The following BBOX1 variants were observed in gnomAD, a reference collection of about 807,000 sequenced individuals.
BBOX1 encodes the protein gamma-butyrobetaine hydroxylase 1.
BBOX1 carries 35 observed loss-of-function variants against 41.6 expected under a neutral mutation model. The observed-to-expected ratio is 0.84, with a 90% confidence interval of 0.64 to 1.11. The LOEUF (loss-of-function observed/expected upper bound fraction) is 1.11, where lower values mean the gene tolerates loss of function less well. BBOX1 is among the 50% of genes most tolerant of loss of function. The probability of loss-of-function intolerance (pLI) is 0.00; values close to 1 mark genes in which losing one functional copy is unlikely to be tolerated. For missense variants in BBOX1, 458 were observed against 460.6 expected, an observed-to-expected ratio of 0.99 and a Z score of 0.05; for synonymous variants, 163 against 154.7, an observed-to-expected ratio of 1.05 and a Z score of -0.40.
At chr11:27,102,221 C>G (rs1858688300) in intron 5 of BBOX1, among the ~76,000 whole-genome samples, 1 of 151,868 alleles carries the variant, frequency 6.6e-6, no homozygotes, top group Admixed American at 6.6e-5. Flanking sequence ...ATACTCTAAA[C>G]CAGGAAAGAA....
At chr11:27,120,467 G>T (rs1031606890) in intron 7 of BBOX1, among the ~76,000 whole-genome samples, 3 of 152,084 alleles carry the variant, frequency 2.0e-5, no homozygotes, top group Non-Finnish European at 4.4e-5. Context: ...CTGGAGCAGG[G>T]TCAGCCTCAT....
intron 4 of BBOX1, chr11:27,057,543 A>G (rs961063264): frequency 4.5e-6 from 2 of 445,518 alleles, no homozygotes; most frequent in African/African-American, 4.1e-5. Flanking sequence ...AAATAAGTCC[A>G]GCAAACTTGT....
At chr11:27,114,908 A>T (rs1460934797) in intron 5 of BBOX1, among the ~76,000 whole-genome samples, 3 of 151,882 alleles carry the variant, frequency 2.0e-5, no homozygotes, top group Non-Finnish European at 4.4e-5. Context: ...TAAATATCTA[A>T]AATAGGTAAA....
At chr11:27,090,479 T>C (rs1016006194) in intron 4 of BBOX1, among the ~76,000 whole-genome samples, 10 of 151,822 alleles carry the variant, frequency 6.6e-5, no homozygotes, top group African/African-American at 2.4e-4. Flanking sequence ...AGTAAGGGTC[T>C]AACAAAGATC....
At chr11:27,072,524 C>A (rs1305136921) in intron 4 of BBOX1, among the ~76,000 whole-genome samples, 1 of 152,126 alleles carries the variant, frequency 6.6e-6, no homozygotes, top group Non-Finnish European at 1.5e-5. Context: ...TCAATGCCAT[C>A]CCCATCAAGC....
intron 4 of BBOX1, among the ~76,000 whole-genome samples, chr11:27,089,127 C>T (rs1424603645): frequency 6.6e-6 from 1 of 151,880 alleles, no homozygotes; most frequent in Non-Finnish European, 1.5e-5. Flanking sequence ...CCTCCATGCT[C>T]TTTTCTTCAT....
Position 27,076,876 on chromosome 11 carries a change from T to C in BBOX1, c.335-16292T>C, listed in dbSNP as rs116271248. 3.5e-3 allele frequency among the ~76,000 whole-genome samples: 540 copies of C among 152,224 alleles called. 1 individual carries two copies. Among genetic ancestry groups the C allele is most frequent in the African/African-American group, 0.012 (495 of 41,542 alleles). ...AGTAGCAGGTGGCAATAAGCCCCAC[T>C]CAGCTCCCATTCACTTGGCAAGGCA... On this transcript the variant is annotated intron_variant, in intron 4 of 8. Transcript: ENST00000263182.
rs144359986 is a variant in BBOX1, at chr11:27,041,970, A to T, written c.-39+492A>T. On this transcript the variant is annotated intron_variant, in intron 2 of 8. Transcript: ENST00000263182. ...TTAAGCTCAAAAAGCTGACTATAAC[A>T]TGCCTCTTTAAAATGCTGGCCAATT... Among the ~76,000 whole-genome samples the T allele has an allele frequency of 2.4e-3, 362 of 152,278 alleles. 4 individuals carry two copies. Among genetic ancestry groups the T allele is most frequent in the South Asian group, 0.018 (85 of 4,826 alleles).
chr11:27,102,836 T>C (rs937206155), intron 5 of BBOX1, among the ~76,000 whole-genome samples: 2 of 152,168 alleles, frequency 1.3e-5, no homozygotes, highest in African/African-American at 4.8e-5. Context: ...AATTATTGGG[T>C]CACAGCATCT....
chr11:27,081,742 G>A (rs1022588596), intron 4 of BBOX1, among the ~76,000 whole-genome samples: 1 of 151,980 alleles, frequency 6.6e-6, no homozygotes, highest in Admixed American at 6.6e-5. Flanking sequence ...TTTAATGATC[G>A]CCATTCTAAC....
At chr11:27,114,371 C>A (rs1161534670) in intron 5 of BBOX1, among the ~76,000 whole-genome samples, 1 of 151,782 alleles carries the variant, frequency 6.6e-6, no homozygotes, top group African/African-American at 2.4e-5. Flanking sequence ...GTATCATTTT[C>A]TTGTTTTAGA....
chr11:27,059,310 C>T (rs981576829), intron 4 of BBOX1, among the ~76,000 whole-genome samples: 13 of 152,330 alleles, frequency 8.5e-5, no homozygotes, highest in Middle Eastern at 6.8e-3. Context: ...GCTTGATGTT[C>T]GCTGTCTAGA....
intron 4 of BBOX1, among the ~76,000 whole-genome samples, chr11:27,076,570 C>A (rs1857637162): frequency 6.6e-6 from 1 of 152,112 alleles, no homozygotes; most frequent in Admixed American, 6.5e-5. Context: ...GGGATTTGTG[C>A]TTGCTTTGTT....
At chr11:27,068,188 C>T (rs1319717498) in intron 4 of BBOX1, among the ~76,000 whole-genome samples, 1 of 152,074 alleles carries the variant, frequency 6.6e-6, no homozygotes, top group Non-Finnish European at 1.5e-5. Flanking sequence ...ATTTACATTC[C>T]TACCCACAGT....
chr11:27,092,454 C>T (rs987687), intron 4 of BBOX1, among the ~76,000 whole-genome samples: 23,394 of 151,824 alleles, frequency 0.15, 2,117 homozygotes, highest in Middle Eastern at 0.24. Context: ...TGGGAGAGCC[C>T]GGTTTGCAAG....
chr11:27,085,046 T>G (rs1857984113), intron 4 of BBOX1, among the ~76,000 whole-genome samples: 1 of 152,186 alleles, frequency 6.6e-6, no homozygotes, highest in African/African-American at 2.4e-5. Flanking sequence ...TCTAGTCAAA[T>G]GTATTTTCTT....
chr11:27,112,360 C>T (rs2134088111), intron 5 of BBOX1, among the ~76,000 whole-genome samples: 1 of 152,074 alleles, frequency 6.6e-6, no homozygotes, highest in Non-Finnish European at 1.5e-5. Context: ...ACAGAAGTGT[C>T]TGTGACTGTG....
intron 2 of BBOX1, among the ~76,000 whole-genome samples, chr11:27,049,735 G>T (rs1851610203): frequency 6.6e-6 from 1 of 152,060 alleles, no homozygotes. Flanking sequence ...TCACTTACTT[G>T]ATTAAAATAA....
Position 27,057,230 on chromosome 11 carries a change from CA to C in BBOX1, c.250del (p.Ser84ValfsTer8). On this transcript the variant is annotated frameshift_variant, in exon 4 of 9. Transcript: ENST00000263182. LOFTEE classifies it high-confidence loss of function. ...VYITWPDEHYSEFQADWLKKR... is the reference protein window; with the variant it reads ...VYITWPDEHYXEFQADWLKKR... ...ACATCACATGGCCCGATGAGCATTACAGTGAATTCCAGGCTGATTGGCTGAA... is the reference window on the plus strand; with the variant it reads ...ACATCACATGGCCCGATGAGCATTACGTGAATTCCAGGCTGATTGGCTGAA... 6.2e-7 allele frequency: 1 copy of C among 1,610,852 alleles called. No individual in the cohort carries two copies. Among genetic ancestry groups the C allele is most frequent in the South Asian group, 1.1e-5 (1 of 90,132 alleles).
Sources: allele counts gnomAD v4.1 joint callset (sites outside exome capture counted in the v4.1 genomes callset), GRCh38; gene constraint gnomAD v4.1.1; transcripts MANE v1.5; gene names NCBI Gene and HGNC (gene_info 2026-07-23, HGNC 2026-07-21).